The following UNC93B1 variants were observed in gnomAD, a reference collection of about 807,000 sequenced individuals.
UNC93B1 encodes the protein protein unc-93 homolog B1.
UNC93B1 carries 33 observed loss-of-function variants against 56.8 expected under a neutral mutation model. The observed-to-expected ratio is 0.58, with a 90% confidence interval of 0.44 to 0.78. The LOEUF (loss-of-function observed/expected upper bound fraction) is 0.78. UNC93B1 is among the 30% of genes least tolerant of loss of function. The pLI, the probability that UNC93B1 is intolerant of heterozygous loss-of-function variation, is 0.00. For synonymous variants in UNC93B1, 334 were observed against 358.6 expected (o/e 0.93, Z 0.77); for missense variants, 673 against 819.5 (o/e 0.82, Z 2.18).
At chr11:67,994,709 C>T (rs1856906547) in intron 9 of UNC93B1, among the ~76,000 whole-genome samples, 1 of 152,196 alleles carries the variant, frequency 6.6e-6, no homozygotes, top group African/African-American at 2.4e-5. Flanking sequence ...GACTGTGGTG[C>T]AGTATGAGGC....
chr11:67,996,795 A>G lies in UNC93B1; in HGVS notation c.907-11T>C, dbSNP rs1856955277. Reference sequence around the variant, plus strand: ...GCACAAACCCAGCACCTGCGAACCCATTACTTGAAGGGGCGGCCAGCCAGG... The same window carrying G: ...GCACAAACCCAGCACCTGCGAACCCGTTACTTGAAGGGGCGGCCAGCCAGG... On this transcript the variant is annotated splice_polypyrimidine_tract_variant and intron_variant, in intron 7 of 10. Coordinates refer to ENST00000227471, the MANE Select transcript of UNC93B1 (RefSeq NM_030930.4). 6 of 1,531,372 alleles carry G rather than the reference A, an allele frequency of 3.9e-6. No individual in the cohort carries two copies. Among genetic ancestry groups the G allele is most frequent in the African/African-American group, 1.4e-5 (1 of 72,506 alleles). The allele number at this position is 1,531,372 out of a possible 1,614,324, so 94.9% of individuals were successfully genotyped here. A position where few individuals can be genotyped will look rare whatever the true frequency, so the allele number is the denominator to read the frequency against.
chr11:68,000,061 G>C (rs1396505), intron 3 of UNC93B1, among the ~76,000 whole-genome samples: 7,468 of 152,318 alleles, frequency 0.049, 628 homozygotes, highest in African/African-American at 0.17. Flanking sequence ...CAGGCTGGGA[G>C]AAGAGAAAGG....
intron 7 of UNC93B1, among the ~76,000 whole-genome samples, chr11:67,997,184 G>A (rs1590761048): frequency 8.5e-6 from 1 of 117,362 alleles, no homozygotes; most frequent in African/African-American, 3.5e-5. Flanking sequence ...CACAGACTTC[G>A]GCCCCGCGTC....
intron 7 of UNC93B1, 135 bp downstream of exon 7, chr11:67,997,540 C>A: frequency 2.1e-6 from 3 of 1,462,346 alleles, no homozygotes; most frequent in Middle Eastern, 2.5e-4. Flanking sequence ...AGATCGCGCT[C>A]CCAGGCCTAC....
Position 68,003,640 on chromosome 11 carries a change from C to T in UNC93B1, c.238+17G>A. On this transcript the variant is annotated intron_variant, in intron 2 of 10. Transcript: ENST00000227471. The surrounding 1 kb of genome is among the most constrained non-coding windows in gnomAD (Gnocchi z 4.4). ...GGGAGCGGGCGGGGCGGCCCCGGGT[C>T]CCCGAGCGGCACCTACCCAGGTAGA... The T allele has an allele frequency of 2.6e-6, 4 of 1,512,450 alleles. No homozygotes were observed. The highest frequency in any genetic ancestry group is 3.5e-6 in the Non-Finnish European group (4 of 1,136,214). The allele number at this position is 1,512,450 out of a possible 1,614,324, so 93.7% of individuals were successfully genotyped here. A position where few individuals can be genotyped will look rare whatever the true frequency, so the allele number is the denominator to read the frequency against.
At chr11:67,996,882 C>T in intron 7 of UNC93B1, 98 bp from the exon 8 acceptor site, 1 of 1,382,776 alleles carries the variant, frequency 7.2e-7, no homozygotes, top group East Asian at 2.7e-5. Flanking sequence ...CTGGGCCTTG[C>T]CCCAGCTCGG....
intron 7 of UNC93B1, 162 bp downstream of exon 7, chr11:67,997,513 C>T (rs1856968274): frequency 7.9e-7 from 1 of 1,268,436 alleles, no homozygotes; most frequent in Admixed American, 2.4e-5. Context: ...CAGCACTCGG[C>T]CCTAGCTCCC....
chr11:67,999,482 G>T (rs890350519), intron 4 of UNC93B1, 37 bp downstream of exon 4: 1 of 1,543,736 alleles, frequency 6.5e-7, no homozygotes, highest in African/African-American at 1.4e-5. Flanking sequence ...GCTTGGCCAG[G>T]TCTCCAGCCT....
intron 5 of UNC93B1, 61 bp from the exon 6 acceptor site, chr11:67,998,513 C>G: frequency 6.4e-7 from 1 of 1,563,072 alleles, no homozygotes; most frequent in Non-Finnish European, 8.8e-7. Flanking sequence ...GGGACACAGG[C>G]ATGGTCTGGG....
intron 3 of UNC93B1, among the ~76,000 whole-genome samples, chr11:68,002,025 G>C (rs1412641103): frequency 6.6e-6 from 1 of 152,102 alleles, no homozygotes; most frequent in Non-Finnish European, 1.5e-5. Context: ...TGTAATCCCA[G>C]CTACTCAGGG....
intron 3 of UNC93B1, among the ~76,000 whole-genome samples, chr11:68,000,961 G>A (rs1242205446): frequency 6.6e-6 from 1 of 152,096 alleles, no homozygotes; most frequent in Non-Finnish European, 1.5e-5. Flanking sequence ...TTAGGAGGTG[G>A]AGGTGGGCAG....
At chr11:67,997,905 G>T in intron 6 of UNC93B1, 106 bp from the exon 7 acceptor site, 1 of 1,494,090 alleles carries the variant, frequency 6.7e-7, no homozygotes, top group Non-Finnish European at 9.0e-7. Flanking sequence ...GTGGAGGGCG[G>T]GAGAGTGAGA....
chr11:67,997,686 C>A lies in UNC93B1; in HGVS notation c.895G>T (p.Ala299Ser), dbSNP rs764875444. 6.2e-7 allele frequency: 1 copy of A among 1,604,844 alleles called. No individual in the cohort carries two copies. Among genetic ancestry groups the A allele is most frequent in the South Asian group, 1.1e-5 (1 of 91,056 alleles). The change falls in exon 7 of 11, where the codon GCC becomes TCC. Residue 299 changes from alanine (A) to serine (S), a missense_variant. Physicochemically the swap from Ala to Ser is moderately conservative, Grantham distance 99. Coordinates refer to ENST00000227471, the MANE Select transcript of UNC93B1 (RefSeq NM_030930.4). ...ATCCCGGGCCGCACCAGCAGCATGGCCAGGAAGGCCACTGCCATGAGCACG... is the reference window on the plus strand; with the variant it reads ...ATCCCGGGCCGCACCAGCAGCATGGACAGGAAGGCCACTGCCATGAGCACG... ...ESVLMAVAFL[A>S]MLLVLGLCGA...
chr11:68,001,874 T>C (rs114726432), intron 3 of UNC93B1, among the ~76,000 whole-genome samples: 3,727 of 152,224 alleles, frequency 0.024, 120 homozygotes, highest in South Asian at 0.068. Context: ...CTGGGCACTG[T>C]GGCTCATGCC....
In UNC93B1 at chr11:67,999,260, A is replaced by G. The variant is rs1426817804; in HGVS notation, c.600T>C (p.Asp200=). Reference sequence around the variant, plus strand: ...GAGGCCGCTGCTTCATCCCCTGCCCATCCTGCTCCTTGTAGTGGGAGTACT... The same window carrying G: ...GAGGCCGCTGCTTCATCCCCTGCCCGTCCTGCTCCTTGTAGTGGGAGTACT... ...YHEYSHYKEQ[D]GQGMKQRPPR... is the part of the protein sequence containing the mutation. The change falls in exon 5 of 11, where the codon GAT becomes GAC. Residue 200 remains aspartate, a synonymous_variant. Coordinates refer to ENST00000227471, the MANE Select transcript of UNC93B1 (RefSeq NM_030930.4). 2.5e-6 allele frequency: 4 copies of G among 1,613,748 alleles called. No individual in the cohort carries two copies. The highest frequency in any genetic ancestry group is 3.3e-5 in the Admixed American group (2 of 60,012).
chr11:67,999,823 A>G, intron 3 of UNC93B1, 143 bp from the exon 4 acceptor site: 1 of 1,192,110 alleles, frequency 8.4e-7, no homozygotes. Context: ...GGAATATCAG[A>G]TACACAGACT....
At chr11:68,001,205 T>TA (rs930802260) in intron 3 of UNC93B1, among the ~76,000 whole-genome samples, 1 of 151,214 alleles carries the variant, frequency 6.6e-6, no homozygotes, top group Non-Finnish European at 1.5e-5. Context: ...AAAAAAAAAG[T>TA]AAAAATAAAA....
chr11:67,991,666 G>A lies in UNC93B1; in HGVS notation c.1674C>T (p.Asp558=), dbSNP rs780534647. The A allele has an allele frequency of 9.8e-6, 15 of 1,530,258 alleles. No homozygotes were observed. In the Middle Eastern group the frequency reaches 6.9e-4, roughly 71 times the overall value. 94.8% of individuals were successfully genotyped at this position (1,530,258 alleles called of 1,614,324 possible). The part of the protein sequence containing the change: ...DESDAEGEHG[D]GAEEEAPPAG... ...CGGGCGGCGCCTCCTCCTCCGCGCC[G>A]TCCCCATGCTCGCCCTCCGCGTCGC... Residue 558 remains aspartate, a synonymous_variant, in exon 11 of 11, where the codon GAC becomes GAT. Coordinates refer to ENST00000227471, the MANE Select transcript of UNC93B1 (RefSeq NM_030930.4).
At chr11:67,993,870 A>C in intron 9 of UNC93B1, 76 bp from the exon 10 acceptor site, 1 of 1,005,288 alleles carries the variant, frequency 9.9e-7, no homozygotes, top group Non-Finnish European at 1.5e-6. Flanking sequence ...ACCATCTACG[A>C]ACTTTACTAA....
Sources: allele counts gnomAD v4.1 joint callset (sites outside exome capture counted in the v4.1 genomes callset), GRCh38; gene constraint gnomAD v4.1.1; non-coding constraint Gnocchi (gnomAD v3.1); transcripts MANE v1.5; gene names NCBI Gene and HGNC (gene_info 2026-07-23, HGNC 2026-07-21).